Variants in PICALM observed in about 807,000 individuals in gnomAD.
PICALM encodes phosphatidylinositol binding clathrin assembly protein, also known as phosphatidylinositol-binding clathrin assembly protein.
PICALM carries 40 observed loss-of-function variants against 80.5 expected under a neutral mutation model. That is an observed-to-expected ratio of 0.50 (90% CI 0.39 to 0.65). The LOEUF is 0.65. Ranked by LOEUF, PICALM falls within the 30% of genes least tolerant of loss-of-function variation. The pLI, the probability that PICALM is intolerant of heterozygous loss-of-function variation, is 0.00. For missense variants in PICALM, 676 were observed against 778.9 expected, an observed-to-expected ratio of 0.87 and a Z score of 1.57; for synonymous variants, 288 against 260.3, an observed-to-expected ratio of 1.11 and a Z score of -1.02.
At chr11:85,962,652 G>T (rs1406107113) in intron 19 of PICALM, among the ~76,000 whole-genome samples, 4 of 152,206 alleles carry the variant, frequency 2.6e-5, no homozygotes, top group African/African-American at 9.7e-5. Context: ...AGAACTCCTA[G>T]TAGTCTCTTA....
At chr11:86,033,846 T>C (rs1020832648) in intron 1 of PICALM, among the ~76,000 whole-genome samples, 2 of 152,204 alleles carry the variant, frequency 1.3e-5, no homozygotes, top group Non-Finnish European at 2.9e-5. Context: ...ATTCTTAACA[T>C]GACATTTTTT....
chr11:86,052,944 C>T (rs1459074564), intron 1 of PICALM, among the ~76,000 whole-genome samples: 3 of 152,188 alleles, frequency 2.0e-5, no homozygotes, highest in Non-Finnish European at 4.4e-5. Context: ...CATGCTCTTT[C>T]CTCCACCTGA....
intron 1 of PICALM, among the ~76,000 whole-genome samples, chr11:86,063,448 A>T (rs1230913804): frequency 6.6e-6 from 1 of 152,218 alleles, no homozygotes; most frequent in Non-Finnish European, 1.5e-5. Context: ...CAATAATTAC[A>T]AAAGTATTTC....
At chr11:85,961,948 G>A (rs1418186468) in intron 19 of PICALM, among the ~76,000 whole-genome samples, 1 of 152,036 alleles carries the variant, frequency 6.6e-6, no homozygotes, top group Non-Finnish European at 1.5e-5. Flanking sequence ...TACATCACTA[G>A]TATATGCAAC....
chr11:85,973,437 G>A (rs766391942), intron 19 of PICALM, among the ~76,000 whole-genome samples: 3 of 152,172 alleles, frequency 2.0e-5, no homozygotes, highest in Non-Finnish European at 4.4e-5. Context: ...GAGAGGGAGA[G>A]AGCAAGCATG....
intron 19 of PICALM, among the ~76,000 whole-genome samples, chr11:85,964,509 T>G (rs1024366433): frequency 1.3e-5 from 2 of 152,200 alleles, no homozygotes; most frequent in Non-Finnish European, 2.9e-5. Context: ...ATGGCTGTCT[T>G]GAGAATTAAA....
At chr11:85,974,165 G>T (rs1045011406) in intron 19 of PICALM, among the ~76,000 whole-genome samples, 1 of 152,172 alleles carries the variant, frequency 6.6e-6, no homozygotes, top group African/African-American at 2.4e-5. Context: ...GAAAGTCTCT[G>T]GATTAAACCA....
chr11:85,991,938 C>T lies in PICALM; in HGVS notation c.1259-1539G>A, dbSNP rs2135932491. On this transcript the variant is annotated intron_variant, in intron 12 of 19. Transcript: ENST00000393346. ...TGGTACAATCAGAGCTCACTGTAGC[C>T]TCAAACTCCTGGGCTCAAGTGATGC... Among the ~76,000 whole-genome samples the T allele has an allele frequency of 1.3e-5, 2 of 152,246 alleles. 1 individual carries two copies. Among genetic ancestry groups the T allele is most frequent in the South Asian group, 4.1e-4 (2 of 4,820 alleles).
At chr11:85,972,978 A>G (rs2135519944) in intron 19 of PICALM, among the ~76,000 whole-genome samples, 1 of 152,318 alleles carries the variant, frequency 6.6e-6, no homozygotes, top group South Asian at 2.1e-4. Context: ...AATACTGTAA[A>G]CACTCATAGT....
At position 86,021,939 on chromosome 11, in the gene PICALM, C is replaced by A. The variant is rs538388207; in HGVS notation, c.452+428G>T. ...ACAAAGGTCACATATTGTATAATTTCATTTATATGAAATGTTCAGAATAGA... is the reference window on the plus strand; with the variant it reads ...ACAAAGGTCACATATTGTATAATTTAATTTATATGAAATGTTCAGAATAGA... On this transcript the variant is annotated intron_variant, in intron 4 of 19. Coordinates refer to ENST00000393346, the MANE Select transcript of PICALM (RefSeq NM_007166.4). 2.0e-5 allele frequency among the ~76,000 whole-genome samples: 3 copies of A among 152,212 alleles called. No homozygotes were observed. In the South Asian group the frequency reaches 6.2e-4, roughly 32 times the overall value.
chr11:86,065,666 C>G (rs559524294), intron 1 of PICALM, among the ~76,000 whole-genome samples: 2 of 152,180 alleles, frequency 1.3e-5, no homozygotes, highest in South Asian at 2.1e-4. Flanking sequence ...TACTAAAGGC[C>G]TAAGATTAAA....
intron 14 of PICALM, among the ~76,000 whole-genome samples, chr11:85,982,589 A>C (rs630650): frequency 7.3e-6 from 1 of 137,492 alleles, no homozygotes; most frequent in Non-Finnish European, 1.5e-5. Context: ...CACCGCGCCC[A>C]GCTAATTTTT....
intron 4 of PICALM, among the ~76,000 whole-genome samples, chr11:86,017,750 G>T (rs552354255): frequency 6.6e-6 from 1 of 152,180 alleles, no homozygotes; most frequent in Non-Finnish European, 1.5e-5. Flanking sequence ...TTAACAGTTT[G>T]TGTGCCACCA....
chr11:86,022,372 C>G lies in PICALM; in HGVS notation c.447G>C (p.Lys149Asn). The G allele has an allele frequency of 6.4e-7, 1 of 1,556,804 alleles. No individual in the cohort carries two copies. The highest frequency in any genetic ancestry group is 8.7e-7 in the Non-Finnish European group (1 of 1,143,264). The change falls in exon 4 of 20, where the codon AAG (lysine) becomes AAC (asparagine). Residue 149 changes from lysine to asparagine, a missense_variant. By Grantham distance (94) the Lys-to-Asn change is moderately conservative (BLOSUM62 0). This residue lies in a region of PICALM where 285 missense variants were observed against 395.4 expected (regional missense o/e 0.72). Coordinates refer to ENST00000393346, the MANE Select transcript of PICALM (RefSeq NM_007166.4). ...TCAAAAAAAGCTTAACTCACCCTCT[C>G]TTCACTTTTGTGAAATCAAATGCAA... ...RQVAFDFTKVKRGADGVMRTM... is the reference protein window; with the variant it reads ...RQVAFDFTKVNRGADGVMRTM...
At chr11:85,994,209 T>A (rs574832266) in intron 12 of PICALM, among the ~76,000 whole-genome samples, 10 of 152,176 alleles carry the variant, frequency 6.6e-5, no homozygotes, top group Non-Finnish European at 1.3e-4. Flanking sequence ...TTTGCTATCA[T>A]CCAAAATTTT....
intron 19 of PICALM, among the ~76,000 whole-genome samples, chr11:85,961,947 A>G (rs1250469287): frequency 6.6e-6 from 1 of 152,160 alleles, no homozygotes; most frequent in Non-Finnish European, 1.5e-5. Context: ...TTACATCACT[A>G]GTATATGCAA....
At chr11:85,968,922 T>A (rs576707562) in intron 19 of PICALM, among the ~76,000 whole-genome samples, 1 of 149,736 alleles carries the variant, frequency 6.7e-6, no homozygotes, top group East Asian at 1.9e-4. Context: ...CATGAAAATA[T>A]CTAAAAAATA....
At chr11:85,979,260 C>T (rs1304584557) in intron 17 of PICALM, among the ~76,000 whole-genome samples, 3 of 152,026 alleles carry the variant, frequency 2.0e-5, no homozygotes, top group Non-Finnish European at 4.4e-5. Context: ...GAGGCTGAGG[C>T]GGGTGGATCA....
At chr11:86,016,534 T>C (rs1436850118) in intron 4 of PICALM, among the ~76,000 whole-genome samples, 1 of 152,202 alleles carries the variant, frequency 6.6e-6, no homozygotes, top group Non-Finnish European at 1.5e-5. Flanking sequence ...CCTTTACAAA[T>C]ACCTTTAACT....
Sources: allele counts gnomAD v4.1 joint callset (sites outside exome capture counted in the v4.1 genomes callset), GRCh38; gene constraint gnomAD v4.1.1; regional missense constraint gnomAD v4.1.1; transcripts MANE v1.5; gene names NCBI Gene and HGNC (gene_info 2026-07-23, HGNC 2026-07-21).